Variants in GRIK4 observed in about 807,000 individuals in gnomAD.
GRIK4 encodes glutamate ionotropic receptor kainate type subunit 4.
In GRIK4, 40 loss-of-function variants were observed where a neutral mutation model predicts 104.9. The observed-to-expected ratio is 0.38, with a 90% CI of 0.30 to 0.50. The LOEUF (loss-of-function observed/expected upper bound fraction) is 0.50. Among genes scored for constraint, GRIK4 ranks in the 20% least tolerant of loss-of-function variants. The pLI, the probability that GRIK4 is intolerant of heterozygous loss-of-function variation, is 0.93. For synonymous variants in GRIK4, 485 were observed against 524.9 expected, an observed-to-expected ratio of 0.92 and a Z score of 1.04; for missense variants, 1,047 against 1,308.1, an observed-to-expected ratio of 0.80 and a Z score of 3.08.
chr11:120,786,382 C>T (rs1430983481), intron 3 of GRIK4, among the ~76,000 whole-genome samples: 1 of 152,234 alleles, frequency 6.6e-6, no homozygotes, highest in Admixed American at 6.5e-5. Context: ...TCCACATATT[C>T]CACAAATATG....
At chr11:120,608,394 A>AGG (rs1948988998) in intron 1 of GRIK4, among the ~76,000 whole-genome samples, 4 of 152,000 alleles carry the variant, frequency 2.6e-5, no homozygotes, top group African/African-American at 9.7e-5. Flanking sequence ...ACTCAAAATC[A>AGG]CTAGGCTAAG....
intron 1 of GRIK4, among the ~76,000 whole-genome samples, chr11:120,543,307 G>A (rs565152530): frequency 4.6e-5 from 7 of 152,148 alleles, no homozygotes; most frequent in Non-Finnish European, 1.0e-4. Context: ...CCTGGGTGTG[G>A]TGGCTCAAGC....
intron 7 of GRIK4, 70 bp downstream of exon 7, chr11:120,832,100 T>C: frequency 1.8e-6 from 2 of 1,093,588 alleles, no homozygotes; most frequent in East Asian, 2.5e-5. Flanking sequence ...TTGAGGGTCC[T>C]CCTGAGCTGA....
intron 8 of GRIK4, among the ~76,000 whole-genome samples, chr11:120,847,377 T>A (rs11218029): frequency 0.085 from 13,010 of 152,248 alleles, 815 homozygotes; most frequent in Admixed American, 0.16. Context: ...AAGCAGATTA[T>A]CATAAATCAG....
chr11:120,561,996 C>T (rs896726472), intron 1 of GRIK4, among the ~76,000 whole-genome samples: 5 of 152,150 alleles, frequency 3.3e-5, no homozygotes, highest in African/African-American at 1.2e-4. Context: ...TCGTGTTCTT[C>T]CTCTTATCAT....
chr11:120,747,279 C>A (rs993536783), intron 3 of GRIK4, among the ~76,000 whole-genome samples: 1 of 152,156 alleles, frequency 6.6e-6, no homozygotes, highest in Non-Finnish European at 1.5e-5. Context: ...ATCCGCTGGT[C>A]TTTAGTTCAC....
chr11:120,538,701 G>C (rs552007742), intron 1 of GRIK4, among the ~76,000 whole-genome samples: 3 of 152,224 alleles, frequency 2.0e-5, no homozygotes, highest in Admixed American at 1.3e-4. Context: ...GCCCTCCTGG[G>C]TAACTACCTA....
chr11:120,541,396 G>A (rs1179558712), intron 1 of GRIK4, among the ~76,000 whole-genome samples: 1 of 152,182 alleles, frequency 6.6e-6, no homozygotes, highest in African/African-American at 2.4e-5. Context: ...ATCTATTTCT[G>A]AGTAAGCCTT....
intron 3 of GRIK4, among the ~76,000 whole-genome samples, chr11:120,678,279 A>G (rs1308735150): frequency 6.6e-6 from 1 of 152,184 alleles, no homozygotes; most frequent in East Asian, 1.9e-4. Context: ...AGAGAGAGGA[A>G]CTAACTTAAA....
At chr11:120,866,484 T>C (rs1278978903) in intron 9 of GRIK4, among the ~76,000 whole-genome samples, 1 of 152,180 alleles carries the variant, frequency 6.6e-6, no homozygotes, top group African/African-American at 2.4e-5. Context: ...CACCCAGGGC[T>C]GTTTAAAAGA....
chr11:120,745,540 G>C (rs1951424542), intron 3 of GRIK4, among the ~76,000 whole-genome samples: 1 of 152,134 alleles, frequency 6.6e-6, no homozygotes, highest in Non-Finnish European at 1.5e-5. Flanking sequence ...CCCTGTGCCT[G>C]GGTCTTTGTA....
At chr11:120,966,796 C>T (rs1164840990) in intron 18 of GRIK4, among the ~76,000 whole-genome samples, 2 of 152,112 alleles carry the variant, frequency 1.3e-5, no homozygotes, top group Non-Finnish European at 2.9e-5. Flanking sequence ...TCCTGTGTGT[C>T]GGTGGGCAGG....
intron 3 of GRIK4, among the ~76,000 whole-genome samples, chr11:120,764,374 C>T (rs771886135): frequency 3.9e-5 from 6 of 152,138 alleles, no homozygotes; most frequent in East Asian, 3.9e-4. Context: ...TACAGCACAC[C>T]GATGGGTCTT....
chr11:120,670,746 T>C (rs1234172925), intron 3 of GRIK4, among the ~76,000 whole-genome samples: 1 of 152,224 alleles, frequency 6.6e-6, no homozygotes, highest in Admixed American at 6.5e-5. Flanking sequence ...GGGATACATG[T>C]GCAGAATGTG....
intron 13 of GRIK4, among the ~76,000 whole-genome samples, chr11:120,923,592 T>TG (rs1250183509): frequency 6.6e-6 from 1 of 151,898 alleles, no homozygotes. Context: ...TTTTTGTATT[T>TG]GTAGTAGAGA....
At chr11:120,659,067 C>T (rs951504057) in intron 2 of GRIK4, among the ~76,000 whole-genome samples, 1 of 152,048 alleles carries the variant, frequency 6.6e-6, no homozygotes, top group Non-Finnish European at 1.5e-5. Flanking sequence ...ATACTACTCT[C>T]CCAATCCAGG....
intron 8 of GRIK4, among the ~76,000 whole-genome samples, chr11:120,860,325 T>C (rs986197065): frequency 1.3e-5 from 2 of 152,174 alleles, no homozygotes; most frequent in African/African-American, 4.8e-5. Flanking sequence ...CTGGTTTCGC[T>C]GTACAGGGCC....
At chr11:120,870,992 C>T (rs552337833) in intron 9 of GRIK4, 1 of 152,978 alleles carries the variant, frequency 6.5e-6, no homozygotes, top group South Asian at 2.1e-4. Flanking sequence ...AAGTGATCCA[C>T]CTGCCTCGGC....
intron 3 of GRIK4, among the ~76,000 whole-genome samples, chr11:120,724,304 G>A (rs1950990076): frequency 6.6e-6 from 1 of 152,158 alleles, no homozygotes; most frequent in Non-Finnish European, 1.5e-5. Context: ...GTAAGTCACA[G>A]CACCCAGCCT....
Sources: allele counts gnomAD v4.1 joint callset (sites outside exome capture counted in the v4.1 genomes callset), GRCh38; gene constraint gnomAD v4.1.1; transcripts MANE v1.5; gene names NCBI Gene and HGNC (gene_info 2026-07-23, HGNC 2026-07-21).